HYKK: variants seen among roughly 807,000 people sequenced by gnomAD.
HYKK encodes 5-hydroxy-L-lysine kinase.
In HYKK, 19 loss-of-function variants were observed where a neutral mutation model predicts 29.7. The observed-to-expected ratio is 0.64, with a 90% CI of 0.45 to 0.94. HYKK has a LOEUF of 0.94. Among genes scored for constraint, HYKK ranks in the 40% least tolerant of loss-of-function variants. The probability of loss-of-function intolerance (pLI) is 0.00; values close to 1 mark genes in which losing one functional copy is unlikely to be tolerated. For missense variants in HYKK, 390 were observed against 443.4 expected, an observed-to-expected ratio of 0.88 and a Z score of 1.08; for synonymous variants, 152 against 158.1, an observed-to-expected ratio of 0.96 and a Z score of 0.29.
chr15:78,518,596 G>A (rs1374323824), intron 3 of HYKK: 6 of 455,616 alleles, frequency 1.3e-5, no homozygotes, highest in Non-Finnish European at 2.6e-5. Context: ...AGGAGGGTAA[G>A]CCCCGCGTTA....
chr15:78,508,877 C>A (rs887566063), intron 1 of HYKK, among the ~76,000 whole-genome samples: 1 of 12,192 alleles, frequency 8.2e-5, no homozygotes, highest in Non-Finnish European at 1.5e-4. Flanking sequence ...GACCCTCTCT[C>A]TCCAAAAAAA....
chr15:78,520,696 C>T (rs1596030771), intron 3 of HYKK, among the ~76,000 whole-genome samples: 1 of 152,192 alleles, frequency 6.6e-6, no homozygotes, highest in Non-Finnish European at 1.5e-5. Context: ...CCTCTCCCCC[C>T]TTTCTATTCC....
At chr15:78,533,183 G>A in intron 4 of HYKK, 27 bp from the exon 5 acceptor site, 1 of 1,404,910 alleles carries the variant, frequency 7.1e-7, no homozygotes, top group Non-Finnish European at 1.0e-6. Context: ...TTCAATAACT[G>A]TTTTTACATG....
rs1297974168 is a variant in HYKK at position 78,533,417 on chromosome 15, G to A, written c.869G>A (p.Gly290Glu). Reference protein sequence around the residue: ...PIQVGGHVLAGFESITPLTAV... With the variant: ...PIQVGGHVLAEFESITPLTAV... ...CAAGTAGGAGGCCATGTCCTTGCAG[G>A]GTTTGAAAGCATCACCCCACTGACA... Residue 290 changes from glycine to glutamate, a missense_variant, in exon 5 of 5, where the codon GGG becomes GAG. Physicochemically the swap from Gly to Glu is moderately conservative, Grantham distance 98. Transcript: ENST00000388988. 17 of 1,614,032 alleles carry A rather than the reference G, an allele frequency of 1.1e-5. No individual in the cohort carries two copies. Among genetic ancestry groups the A allele is most frequent in the Non-Finnish European group, 1.4e-5 (17 of 1,180,036 alleles).
At chr15:78,512,813 G>A (rs572280334) in intron 1 of HYKK, among the ~76,000 whole-genome samples, 21 of 152,296 alleles carry the variant, frequency 1.4e-4, no homozygotes, top group African/African-American at 2.6e-4. Flanking sequence ...GGGAATGGAC[G>A]AAGTGATACC....
chr15:78,531,988 T>C (rs2052317162), intron 4 of HYKK, among the ~76,000 whole-genome samples: 1 of 152,246 alleles, frequency 6.6e-6, no homozygotes, highest in Non-Finnish European at 1.5e-5. Flanking sequence ...CTAAATCATA[T>C]AGAAAAAGTC....
At position 78,513,132 on chromosome 15, in the gene HYKK, C is replaced by A. The variant is rs530668063; in HGVS notation, c.44C>A (p.Pro15His). ...CAGCAGTCAGAGGCTCTTAGCAAACCCACTTTCAGTGAGGAACAAGCCTCT... is the reference window on the plus strand; with the variant it reads ...CAGCAGTCAGAGGCTCTTAGCAAACACACTTTCAGTGAGGAACAAGCCTCT... Reference protein sequence around the residue: ...NYQQSEALSKPTFSEEQASAL... With the variant: ...NYQQSEALSKHTFSEEQASAL... The change falls in exon 2 of 5, where the codon CCC becomes CAC. Residue 15 changes from proline (P) to histidine (H), a missense_variant. Transcript: ENST00000388988. 8.1e-6 allele frequency: 13 copies of A among 1,613,894 alleles called. 1 individual carries two copies. Among genetic ancestry groups the A allele is most frequent in the East Asian group, 6.7e-5 (3 of 44,874 alleles).
intron 3 of HYKK, among the ~76,000 whole-genome samples, chr15:78,525,600 C>T (rs190419211): frequency 2.8e-4 from 43 of 152,184 alleles, no homozygotes; most frequent in Non-Finnish European, 3.5e-4. Context: ...CAGGTTCAAG[C>T]GATTCTCCTG....
chr15:78,530,682 G>A (rs1294093929), intron 4 of HYKK, among the ~76,000 whole-genome samples: 2 of 151,858 alleles, frequency 1.3e-5, no homozygotes, highest in African/African-American at 2.4e-5. Flanking sequence ...TATAGCTGGG[G>A]CTACAGGCAT....
intron 3 of HYKK, among the ~76,000 whole-genome samples, chr15:78,518,925 A>AG (rs1406297089): frequency 6.6e-6 from 1 of 152,016 alleles, no homozygotes; most frequent in African/African-American, 2.4e-5. Flanking sequence ...TAAAAAAAAA[A>AG]AAAAAAAAAA....
chr15:78,524,044 A>G (rs1206532998), intron 3 of HYKK, among the ~76,000 whole-genome samples: 1 of 152,226 alleles, frequency 6.6e-6, no homozygotes, highest in Non-Finnish European at 1.5e-5. Flanking sequence ...TCTGGGGTCT[A>G]GAGGATGGTG....
intron 1 of HYKK, among the ~76,000 whole-genome samples, chr15:78,510,260 G>A (rs1176633489): frequency 6.6e-6 from 1 of 151,894 alleles, no homozygotes; most frequent in Admixed American, 6.6e-5. Flanking sequence ...TCATCTCACT[G>A]CAACCTCCAC....
rs2052144032 is a variant in HYKK at position 78,517,114 on chromosome 15, T to TTC, written c.477+2008_477+2009insCT. Reference sequence around the variant, plus strand: ...CTTTCTTTCTTTCTTTCTTTCTTTTTTTTTTTTTTTTTTTCGAGACAGAGT... The same window carrying TTC: ...CTTTCTTTCTTTCTTTCTTTCTTTTTTCTTTTTTTTTTTTTTCGAGACAGAGT... On this transcript the variant is annotated intron_variant, in intron 3 of 4. Coordinates refer to ENST00000388988, the MANE Select transcript of HYKK (RefSeq NM_001013619.4). Among the ~76,000 whole-genome samples, 7 of 147,468 alleles carry TTC rather than the reference T, an allele frequency of 4.7e-5. No homozygotes were observed. The South Asian group carries it at 6.6e-4, about 14-fold the overall frequency.
Position 78,513,436 on chromosome 15 carries a change from A to G in HYKK, c.337+11A>G, listed in dbSNP as rs576440206. ...CTCTCGTGTCTGTAGGTAAGAGATG[A>G]CCAATTCGCCGATCCATTACCTATC... On this transcript the variant is annotated intron_variant, in intron 2 of 4. Transcript: ENST00000388988. The G allele has an allele frequency of 3.7e-5, 58 of 1,588,136 alleles. No homozygotes were observed. The highest frequency in any genetic ancestry group is 4.9e-5 in the Non-Finnish European group (57 of 1,162,568).
Position 78,533,731 on chromosome 15 carries a change from C to A in HYKK, c.*61C>A. On this transcript the variant is annotated 3_prime_UTR_variant, in exon 5 of 5. Coordinates refer to ENST00000388988, the MANE Select transcript of HYKK (RefSeq NM_001013619.4). ...TTGGGTAATTAAAATAGGACCCAGTCAAATTTTAGGAAGGATTTTCCTGCA... is the reference window on the plus strand; with the variant it reads ...TTGGGTAATTAAAATAGGACCCAGTAAAATTTTAGGAAGGATTTTCCTGCA... 1.6e-6 allele frequency: 2 copies of A among 1,212,526 alleles called. No homozygotes were observed. The highest frequency in any genetic ancestry group is 2.8e-5 in the South Asian group (2 of 72,474). The allele number at this position is 1,212,526 out of a possible 1,614,324, so 75.1% of individuals were successfully genotyped here.
Position 78,533,033 on chromosome 15 carries a change from C to T in HYKK, c.662-177C>T, listed in dbSNP as rs529595763. On this transcript the variant is annotated intron_variant, in intron 4 of 4. Coordinates refer to ENST00000388988, the MANE Select transcript of HYKK (RefSeq NM_001013619.4). ...TGAGAAGCAAAAGCAAAACCACCAC[C>T]CCAAATTAACTGCTTTTATTCTTTT... Among the ~76,000 whole-genome samples the T allele has an allele frequency of 2.6e-5, 4 of 152,258 alleles. No individual in the cohort carries two copies. In the East Asian group the frequency reaches 7.7e-4, roughly 29 times the overall value.
rs1555412356 is a variant in HYKK, at chr15:78,535,253, A to AGTTTC, written c.*1583_*1584insGTTTC. On this transcript the variant is annotated 3_prime_UTR_variant, in exon 5 of 5. Coordinates refer to ENST00000388988, the MANE Select transcript of HYKK (RefSeq NM_001013619.4). Reference sequence around the variant, plus strand: ...TTCATTTTTCACTTCTTTGTCCCTCAATTTCATTTCATTTCTTTTTCTTTT... The same window carrying AGTTTC: ...TTCATTTTTCACTTCTTTGTCCCTCAGTTTCATTTCATTTCATTTCTTTTTCTTTT... 4.4e-5 allele frequency: 5 copies of AGTTTC among 113,824 alleles called. No homozygotes were observed. The highest frequency in any genetic ancestry group is 9.7e-5 in the Non-Finnish European group (5 of 51,324). The allele number at this position is 113,824 out of a possible 1,614,324, so 7.1% of individuals were successfully genotyped here. A position where few individuals can be genotyped will look rare whatever the true frequency, so the allele number is the denominator to read the frequency against.
chr15:78,518,805 C>T, intron 3 of HYKK: 2 of 291,286 alleles, frequency 6.9e-6, no homozygotes, highest in Non-Finnish European at 1.4e-5. Flanking sequence ...ATCCCAGCTA[C>T]TGGGGAGGCT....
chr15:78,513,298 G>A lies in HYKK; in HGVS notation c.210G>A (p.Lys70=). The change falls in exon 2 of 5, where the codon AAG becomes AAA. Residue 70 remains lysine, a synonymous_variant. Coordinates refer to ENST00000388988, the MANE Select transcript of HYKK (RefSeq NM_001013619.4). ...ATGTCCTCAAAATAAGCAACACCAA[G>A]GCTAGCAAAAATCCAGACCTGATTG... ...TEYVLKISNT[K]ASKNPDLIEV... is the part of the protein sequence containing the mutation. The A allele has an allele frequency of 1.2e-6, 2 of 1,614,160 alleles. No individual in the cohort carries two copies. The highest frequency in any genetic ancestry group is 1.7e-6 in the Non-Finnish European group (2 of 1,180,022).
Sources: gnomAD v4.1 joint callset for allele counts (sites outside exome capture counted in the v4.1 genomes callset) on GRCh38, gnomAD v4.1.1 for gene constraint, MANE v1.5 for transcripts, NCBI Gene and HGNC (gene_info 2026-07-23, HGNC 2026-07-21) for gene names.